Variants in AARD observed in about 807,000 individuals in gnomAD.
AARD encodes alanine and arginine rich domain containing protein, also known as alanine- and arginine-rich domain-containing protein.
A neutral mutation model predicts 9.3 loss-of-function variants in AARD; 9 were observed. The observed-to-expected ratio is 0.97, with a 90% confidence interval of 0.58 to 1.69. AARD has a LOEUF of 1.69. AARD is among the 40% of genes most tolerant of loss of function. AARD has a pLI of 0.00. For missense variants in AARD, 236 were observed against 210.3 expected (o/e 1.12, Z -0.76); for synonymous variants, 91 against 93.8 (o/e 0.97, Z 0.17).
At chr8:116,942,183 A>G (rs1245521159) in intron 1 of AARD, among the ~76,000 whole-genome samples, 1 of 151,744 alleles carries the variant, frequency 6.6e-6, no homozygotes, top group East Asian at 1.9e-4. Flanking sequence ...AGGTGGCTGT[A>G]GGCAGTTATC....
chr8:116,941,176 G>T (rs924454173), intron 1 of AARD, among the ~76,000 whole-genome samples: 1 of 152,132 alleles, frequency 6.6e-6, no homozygotes, highest in Admixed American at 6.5e-5. Flanking sequence ...CATCAGTCTC[G>T]TCTGGTCAGC....
Position 116,942,603 on chromosome 8 carries a change from G to C in AARD, c.370G>C (p.Asp124His), listed in dbSNP as rs1198093184. ...QNHQLARTLL[D>H]LNMKVQQLKK... is the part of the protein sequence containing the mutation. ...CCACCAGCTGGCTAGAACTTTACTG[G>C]ACCTAAACATGAAAGTGCAGCAATT... Residue 124 changes from aspartate (D) to histidine (H), a missense_variant, in exon 2 of 2, where the codon GAC becomes CAC. Physicochemically the swap from Asp to His is moderately conservative, Grantham distance 81 (BLOSUM62 -1). Coordinates refer to ENST00000378279, the MANE Select transcript of AARD (RefSeq NM_001025357.3). The C allele has an allele frequency of 1.2e-6, 2 of 1,613,558 alleles. No individual in the cohort carries two copies. The highest frequency in any genetic ancestry group is 2.7e-5 in the African/African-American group (2 of 74,838).
intron 1 of AARD, among the ~76,000 whole-genome samples, chr8:116,941,240 A>G (rs554570713): frequency 2.2e-4 from 34 of 152,314 alleles, no homozygotes; most frequent in Non-Finnish European, 4.3e-4. Context: ...AGAGGCAATT[A>G]TGTCTGCCCA....
Position 116,938,412 on chromosome 8 carries a change from G to A in AARD, c.169G>A (p.Glu57Lys), listed in dbSNP as rs761734653. The change falls in exon 1 of 2, where the codon GAG (glutamate) becomes AAG (lysine). Residue 57 changes from glutamate (E) to lysine (K), a missense_variant. Physicochemically the swap from Glu to Lys is moderately conservative, Grantham distance 56. Coordinates refer to ENST00000378279, the MANE Select transcript of AARD (RefSeq NM_001025357.3). ...EEALAASPLL[E>K]DLRRRLTRAF... is the part of the protein sequence containing the mutation. ...GGCCCTCGCCGCCAGCCCGCTGCTG[G>A]AGGACCTCAGACGACGGCTGACGCG... is the stretch of plus-strand genomic sequence containing the variant. 35 of 1,611,560 alleles carry A rather than the reference G, an allele frequency of 2.2e-5. No individual in the cohort carries two copies. The highest frequency in any genetic ancestry group is 2.7e-5 in the Non-Finnish European group (32 of 1,179,524).
intron 1 of AARD, among the ~76,000 whole-genome samples, chr8:116,940,350 T>C (rs1358783459): frequency 6.6e-6 from 1 of 152,190 alleles, no homozygotes; most frequent in African/African-American, 2.4e-5. Context: ...ACTATAGACC[T>C]TGGACTCTGA....
rs1033500253 is a variant in AARD, at chr8:116,944,337, G to C, written c.*1636G>C. 6.6e-6 allele frequency: 1 copy of C among 152,180 alleles called. No homozygotes were observed. The highest frequency in any genetic ancestry group is 2.4e-5 in the African/African-American group (1 of 41,418). 9.4% of individuals were successfully genotyped at this position (152,180 alleles called of 1,614,324 possible). On this transcript the variant is annotated 3_prime_UTR_variant, in exon 2 of 2. Transcript: ENST00000378279. ...AGTACCAGCTACTCAGGAGGCTGAG[G>C]CATAAGAATCACTTGAACCTGGGAG... is the stretch of plus-strand genomic sequence containing the variant.
chr8:116,941,997 T>C (rs1813751004), intron 1 of AARD, among the ~76,000 whole-genome samples: 1 of 152,158 alleles, frequency 6.6e-6, no homozygotes, highest in Admixed American at 6.5e-5. Flanking sequence ...AAATCAGCCT[T>C]GATATGAAAC....
In AARD at chr8:116,938,451, G is replaced by A. The variant is rs1190083622; in HGVS notation, c.208G>A (p.Ala70Thr). 8 of 1,601,594 alleles carry A rather than the reference G, an allele frequency of 5.0e-6. No homozygotes were observed. Among genetic ancestry groups the A allele is most frequent in the South Asian group, 2.2e-5 (2 of 89,832 alleles). The change falls in exon 1 of 2, where the codon GCG becomes ACG. Residue 70 changes from alanine (A) to threonine (T), a missense_variant. Ala to Thr is a moderately conservative substitution (Grantham distance 58). Coordinates refer to ENST00000378279, the MANE Select transcript of AARD (RefSeq NM_001025357.3). The part of the protein sequence containing the change: ...RRRLTRAFQW[A>T]VQRAISRRVQ... ...ACGGCTGACGCGCGCCTTCCAGTGG[G>A]CGGTGCAGCGCGCGATCTCGAGGCG...
intron 1 of AARD, among the ~76,000 whole-genome samples, chr8:116,940,372 A>G (rs961715472): frequency 6.6e-6 from 1 of 152,208 alleles, no homozygotes; most frequent in East Asian, 1.9e-4. Flanking sequence ...TGTACCAAAA[A>G]AGAACTGATA....
intron 1 of AARD, 91 bp downstream of exon 1, chr8:116,938,658 C>G: frequency 4.4e-6 from 6 of 1,368,302 alleles, no homozygotes; most frequent in African/African-American, 1.5e-5. Context: ...GTAGCCCACC[C>G]GACGCCTTGG....
chr8:116,941,882 A>G (rs1303290168), intron 1 of AARD, among the ~76,000 whole-genome samples: 5 of 152,148 alleles, frequency 3.3e-5, no homozygotes, highest in Admixed American at 1.3e-4. Context: ...TAATACAAAG[A>G]TTATGTTGGA....
Position 116,942,585 on chromosome 8 carries a change from C to G in AARD, c.352C>G (p.Leu118Val). Reference sequence around the variant, plus strand: ...GGAAATGCATTTCCAAAACCACCAGCTGGCTAGAACTTTACTGGACCTAAA... The same window carrying G: ...GGAAATGCATTTCCAAAACCACCAGGTGGCTAGAACTTTACTGGACCTAAA... ...LVEMHFQNHQ[L>V]ARTLLDLNMK... The change falls in exon 2 of 2, where the codon CTG becomes GTG. Residue 118 changes from leucine to valine, a missense_variant. Transcript: ENST00000378279. The G allele has an allele frequency of 6.2e-7, 1 of 1,612,380 alleles. No homozygotes were observed. The highest frequency in any genetic ancestry group is 1.7e-5 in the Admixed American group (1 of 59,948).
rs1413072867 is a variant in AARD at position 116,942,843 on chromosome 8, A to G, written c.*142A>G. 5.3e-6 allele frequency: 4 copies of G among 752,594 alleles called. No individual in the cohort carries two copies. Among genetic ancestry groups the G allele is most frequent in the African/African-American group, 3.5e-5 (2 of 56,814 alleles). The allele number at this position is 752,594 out of a possible 1,614,324, so 46.6% of individuals were successfully genotyped here. On this transcript the variant is annotated 3_prime_UTR_variant, in exon 2 of 2. Transcript: ENST00000378279. ...GTGAAACCCTGCCTCTACTAAAAATACAAAAAATTAGCCAGACGTGGTGGC... is the reference window on the plus strand; with the variant it reads ...GTGAAACCCTGCCTCTACTAAAAATGCAAAAAATTAGCCAGACGTGGTGGC...
At chr8:116,940,057 C>G (rs1337927863) in intron 1 of AARD, among the ~76,000 whole-genome samples, 1 of 152,198 alleles carries the variant, frequency 6.6e-6, no homozygotes, top group East Asian at 1.9e-4. Flanking sequence ...GCAATAAAAT[C>G]TCACGAGATC....
At position 116,942,876 on chromosome 8, in the gene AARD, T is replaced by G. The variant is rs1296497883; in HGVS notation, c.*175T>G. On this transcript the variant is annotated 3_prime_UTR_variant, in exon 2 of 2. Coordinates refer to ENST00000378279, the MANE Select transcript of AARD (RefSeq NM_001025357.3). ...TTAGCCAGACGTGGTGGCAGGCACC[T>G]GTAGTCCCTGCTACTCAGGAGTCTG... The G allele has an allele frequency of 4.6e-5, 21 of 458,476 alleles. No individual in the cohort carries two copies. The highest frequency in any genetic ancestry group is 7.6e-5 in the Non-Finnish European group (20 of 262,296). The allele number at this position is 458,476 out of a possible 1,614,324, so 28.4% of individuals were successfully genotyped here. A position where few individuals can be genotyped will look rare whatever the true frequency, so the allele number is the denominator to read the frequency against.
chr8:116,941,186 C>T (rs956128364), intron 1 of AARD, among the ~76,000 whole-genome samples: 10 of 152,104 alleles, frequency 6.6e-5, no homozygotes, highest in African/African-American at 2.2e-4. Flanking sequence ...GTCTGGTCAG[C>T]GTGTTATGAG....
In AARD at chr8:116,943,143, G is replaced by T. The variant is rs1171327658; in HGVS notation, c.*442G>T. On this transcript the variant is annotated 3_prime_UTR_variant, in exon 2 of 2. Transcript: ENST00000378279. The stretch of plus-strand genomic sequence containing the variant: ...TATAGACCCAAAACAAATGACAGGG[G>T]AAGGTGACAGAAAAACATCTAAGAG... 1 of 152,318 alleles carries T rather than the reference G, an allele frequency of 6.6e-6. No homozygotes were observed. Among genetic ancestry groups the T allele is most frequent in the Non-Finnish European group, 1.5e-5 (1 of 68,124 alleles). 9.4% of individuals were successfully genotyped at this position (152,318 alleles called of 1,614,324 possible).
At chr8:116,938,738 C>A in intron 1 of AARD, 171 bp downstream of exon 1, 1 of 975,462 alleles carries the variant, frequency 1.0e-6, no homozygotes, top group Non-Finnish European at 1.4e-6. Context: ...GGAAAAGGGC[C>A]CTGCAGGACC....
At position 116,942,805 on chromosome 8, in the gene AARD, C is replaced by T. The variant is rs1813761149; in HGVS notation, c.*104C>T. On this transcript the variant is annotated 3_prime_UTR_variant, in exon 2 of 2. Coordinates refer to ENST00000378279, the MANE Select transcript of AARD (RefSeq NM_001025357.3). Reference sequence around the variant, plus strand: ...CAAGACGTCAGGAGATTGAGACCATCCTGGCTAACACTGTGAAACCCTGCC... The same window carrying T: ...CAAGACGTCAGGAGATTGAGACCATTCTGGCTAACACTGTGAAACCCTGCC... 8.5e-7 allele frequency: 1 copy of T among 1,182,502 alleles called. No individual in the cohort carries two copies. Among genetic ancestry groups the T allele is most frequent in the Non-Finnish European group, 1.2e-6 (1 of 845,034 alleles). The allele number at this position is 1,182,502 out of a possible 1,614,324, so 73.3% of individuals were successfully genotyped here.
Sources: gnomAD v4.1 joint callset for allele counts (sites outside exome capture counted in the v4.1 genomes callset) on GRCh38, gnomAD v4.1.1 for gene constraint, MANE v1.5 for transcripts, NCBI Gene and HGNC (gene_info 2026-07-23, HGNC 2026-07-21) for gene names.